Variants in TRIM59 observed in about 807,000 individuals in gnomAD.
The protein encoded by TRIM59 is tripartite motif-containing protein 59.
In TRIM59, 14 loss-of-function variants were observed where a neutral mutation model predicts 32.2. The observed-to-expected ratio is 0.43, with a 90% CI of 0.29 to 0.68. TRIM59 has a LOEUF of 0.68. Among genes scored for constraint, TRIM59 ranks in the 30% least tolerant of loss-of-function variants. The pLI is 0.15. For missense variants in TRIM59, 471 were observed against 463.3 expected (o/e 1.02, Z -0.15); for synonymous variants, 163 against 155.1 (o/e 1.05, Z -0.38).
intron 1 of TRIM59, chr3:160,449,384 G>T: frequency 1.4e-6 from 1 of 693,224 alleles, no homozygotes; most frequent in Non-Finnish European, 2.0e-6. Context: ...ACTCTCCCAG[G>T]CCTCCCTCCT....
chr3:160,444,524 A>T (rs868330814), intron 2 of TRIM59, among the ~76,000 whole-genome samples: 1 of 152,226 alleles, frequency 6.6e-6, no homozygotes, highest in African/African-American at 2.4e-5. Flanking sequence ...TATCTCCCAC[A>T]TGAGCTGTCC....
At position 160,435,861 on chromosome 3, in the gene TRIM59, G is replaced by T; in HGVS notation, c.*2111C>A. ...GCATGGGTTTTCTCACAGCTATATG[G>T]CCTTGGACAAGTCACTTGTCAGTTC... On this transcript the variant is annotated 3_prime_UTR_variant, in exon 3 of 3. Coordinates refer to ENST00000309784, the MANE Select transcript of TRIM59 (RefSeq NM_173084.3). 1 of 934,078 alleles carries T rather than the reference G, an allele frequency of 1.1e-6. No individual in the cohort carries two copies. The highest frequency in any genetic ancestry group is 1.5e-6 in the Non-Finnish European group (1 of 664,748). 57.9% of individuals were successfully genotyped at this position (934,078 alleles called of 1,614,324 possible). A position where few individuals can be genotyped will look rare whatever the true frequency, so the allele number is the denominator to read the frequency against.
chr3:160,445,572 A>G (rs1170564287), intron 2 of TRIM59, among the ~76,000 whole-genome samples: 1 of 152,030 alleles, frequency 6.6e-6, no homozygotes, highest in African/African-American at 2.4e-5. Flanking sequence ...TCAGGAGTTC[A>G]AGACCAGCCT....
At chr3:160,449,577 G>GC in intron 1 of TRIM59, 140 bp downstream of exon 1, 1 of 1,288,788 alleles carries the variant, frequency 7.8e-7, no homozygotes, top group Non-Finnish European at 1.0e-6. Context: ...GGGAATGAGT[G>GC]CAGGTCCCAA....
In TRIM59 at chr3:160,437,935, C is replaced by T. The variant is rs1560023243; in HGVS notation, c.*37G>A. The T allele has an allele frequency of 4.7e-6, 7 of 1,493,618 alleles. No homozygotes were observed. Among genetic ancestry groups the T allele is most frequent in the Non-Finnish European group, 5.3e-6 (6 of 1,126,004 alleles). 92.5% of individuals were successfully genotyped at this position (1,493,618 alleles called of 1,614,324 possible). ...ACCCCATTTTTTGTTTAGCAATGTACAGAATAAGCCCATTTAAACAATTCA... is the reference window on the plus strand; with the variant it reads ...ACCCCATTTTTTGTTTAGCAATGTATAGAATAAGCCCATTTAAACAATTCA... On this transcript the variant is annotated 3_prime_UTR_variant, in exon 3 of 3. Coordinates refer to ENST00000309784, the MANE Select transcript of TRIM59 (RefSeq NM_173084.3).
In TRIM59 at chr3:160,437,066, G is replaced by GC. The variant is rs1195635070; in HGVS notation, c.*905dup. Reference sequence around the variant, plus strand: ...ATATGACAAGTATTAGAAAATGCTGGCCCCCAGGCACAGTGTGGCTAACGT... The same window carrying GC: ...ATATGACAAGTATTAGAAAATGCTGGCCCCCCAGGCACAGTGTGGCTAACGT... On this transcript the variant is annotated 3_prime_UTR_variant, in exon 3 of 3. Transcript: ENST00000309784. The GC allele has an allele frequency of 3.0e-6, 3 of 985,184 alleles. No homozygotes were observed. In the East Asian group the frequency reaches 3.4e-4, roughly 112 times the overall value. 61.0% of individuals were successfully genotyped at this position (985,184 alleles called of 1,614,324 possible).
At chr3:160,446,967 A>T (rs542395924) in intron 2 of TRIM59, among the ~76,000 whole-genome samples, 24 of 151,928 alleles carry the variant, frequency 1.6e-4, no homozygotes, top group Admixed American at 5.9e-4. Flanking sequence ...CCTGGTGCCA[A>T]AAAGGTTGAG....
chr3:160,438,527 A>G lies in TRIM59; in HGVS notation c.657T>C (p.Thr219=). The change falls in exon 3 of 3, where the codon ACT becomes ACC. Residue 219 remains threonine, a synonymous_variant. Transcript: ENST00000309784. ...TTTCCTTCATTCTTTCAATTTGTGG[A>G]GTATATTCTTGATTAATTAGATTGC... ...DVGNLINQEY[T]PQIERMKEIR... is the part of the protein sequence containing the mutation. The G allele has an allele frequency of 6.2e-7, 1 of 1,611,634 alleles. No individual in the cohort carries two copies.
Position 160,437,975 on chromosome 3 carries a change from A to T in TRIM59, c.1209T>A (p.His403Gln). ...LKEFVWKIVS[H>Q] ...TAAACAATTCAGGTTGACATTTTCA[A>T]TGGGAAACTATTTTCCACACAAATT... is the stretch of plus-strand genomic sequence containing the variant. Residue 403 changes from histidine to glutamine, a missense_variant, in exon 3 of 3, where the codon CAT becomes CAA. Transcript: ENST00000309784. 1 of 1,537,890 alleles carries T rather than the reference A, an allele frequency of 6.5e-7. No homozygotes were observed. Among genetic ancestry groups the T allele is most frequent in the Non-Finnish European group, 8.7e-7 (1 of 1,148,530 alleles).
At chr3:160,449,282 G>A (rs1309110457) in intron 1 of TRIM59, among the ~76,000 whole-genome samples, 1 of 152,134 alleles carries the variant, frequency 6.6e-6, no homozygotes, top group African/African-American at 2.4e-5. Context: ...TGTAAAATGG[G>A]TAACTGCACC....
intron 2 of TRIM59, among the ~76,000 whole-genome samples, chr3:160,445,431 A>C (rs1719477707): frequency 6.6e-6 from 1 of 152,058 alleles, no homozygotes; most frequent in African/African-American, 2.4e-5. Flanking sequence ...TCAAAAAATA[A>C]AAAAAGAATA....
Position 160,438,723 on chromosome 3 carries a change from TC to T in TRIM59, c.460del (p.Asp154ThrfsTer14). On this transcript the variant is annotated frameshift_variant, in exon 3 of 3. Coordinates refer to ENST00000309784, the MANE Select transcript of TRIM59 (RefSeq NM_173084.3). LOFTEE classifies it high-confidence loss of function. ...TPQKLLEQLT[D>X]THWTDLTHLI... ...ATGGGTAAGATCTGTCCAGTGTGTG[TC>T]AGTCAACTGTTCAAGCAGTTTTTGA... is the stretch of plus-strand genomic sequence containing the variant. 1 of 1,614,084 alleles carries T rather than the reference TC, an allele frequency of 6.2e-7. No individual in the cohort carries two copies. Among genetic ancestry groups the T allele is most frequent in the African/African-American group, 1.3e-5 (1 of 75,058 alleles).
chr3:160,440,686 C>T (rs1243848176), intron 2 of TRIM59, among the ~76,000 whole-genome samples: 2 of 151,950 alleles, frequency 1.3e-5, no homozygotes, highest in African/African-American at 4.8e-5. Flanking sequence ...CCGAGGCGGG[C>T]GGATCACCTG....
chr3:160,442,794 TTC>T, intron 2 of TRIM59, among the ~76,000 whole-genome samples: 1 of 152,290 alleles, frequency 6.6e-6, no homozygotes, highest in East Asian at 1.9e-4. Context: ...GTCAGGAACT[TTC>T]TGACTCTGGT....
intron 2 of TRIM59, among the ~76,000 whole-genome samples, chr3:160,441,923 G>A (rs530566774): frequency 6.6e-6 from 1 of 152,106 alleles, no homozygotes; most frequent in Non-Finnish European, 1.5e-5. Flanking sequence ...ATTCACTGCA[G>A]ATAAATTCAA....
chr3:160,438,521 T>C lies in TRIM59; in HGVS notation c.663A>G (p.Gln221=), dbSNP rs1242798908. 1 of 1,612,058 alleles carries C rather than the reference T, an allele frequency of 6.2e-7. No individual in the cohort carries two copies. The highest frequency in any genetic ancestry group is 8.5e-7 in the Non-Finnish European group (1 of 1,179,560). ...GNLINQEYTP[Q]IERMKEIREQ... The stretch of plus-strand genomic sequence containing the variant: ...CTCGTATTTCCTTCATTCTTTCAAT[T>C]TGTGGAGTATATTCTTGATTAATTA... Residue 221 remains glutamine (Q), a synonymous_variant, in exon 3 of 3, where the codon CAA becomes CAG. Transcript: ENST00000309784.
Position 160,437,993 on chromosome 3 carries a change from C to A in TRIM59, c.1191G>T (p.Val397=). 6.4e-7 allele frequency: 1 copy of A among 1,551,952 alleles called. No homozygotes were observed. Among genetic ancestry groups the A allele is most frequent in the South Asian group, 1.3e-5 (1 of 79,618 alleles). ...CHIFYLLKEF[V]WKIVSH is the part of the protein sequence containing the mutation. ...ATTTTCAATGGGAAACTATTTTCCA[C>A]ACAAATTCCTTCAACAAATAGAAAA... Residue 397 remains valine, a synonymous_variant, in exon 3 of 3, where the codon GTG becomes GTT. Coordinates refer to ENST00000309784, the MANE Select transcript of TRIM59 (RefSeq NM_173084.3).
Position 160,437,206 on chromosome 3 carries a change from A to T in TRIM59, c.*766T>A. On this transcript the variant is annotated 3_prime_UTR_variant, in exon 3 of 3. Coordinates refer to ENST00000309784, the MANE Select transcript of TRIM59 (RefSeq NM_173084.3). ...GTTTCTACAAAAAACAATTTTTTTA[A>T]TTAGCCAGGCATGGGGGTGTGTGCC... The T allele has an allele frequency of 1.7e-6, 1 of 587,148 alleles. No individual in the cohort carries two copies. 36.4% of individuals were successfully genotyped at this position (587,148 alleles called of 1,614,324 possible).
At position 160,448,797 on chromosome 3, in the gene TRIM59, T is replaced by C. The variant is rs780152672; in HGVS notation, c.-73-2A>G. On this transcript the variant is annotated splice_acceptor_variant, in intron 1 of 2. Coordinates refer to ENST00000309784, the MANE Select transcript of TRIM59 (RefSeq NM_173084.3). LOFTEE classifies it low-confidence loss of function (5UTR_SPLICE). ...CCTCCAGAATCTTTTATTCTTATTCTAAAATTAAAATAATGTTATCTTTAA... is the reference window on the plus strand; with the variant it reads ...CCTCCAGAATCTTTTATTCTTATTCCAAAATTAAAATAATGTTATCTTTAA... 1.6e-6 allele frequency: 2 copies of C among 1,241,598 alleles called. No homozygotes were observed. The highest frequency in any genetic ancestry group is 2.7e-5 in the South Asian group (2 of 74,386). The allele number at this position is 1,241,598 out of a possible 1,614,324, so 76.9% of individuals were successfully genotyped here. A position where few individuals can be genotyped will look rare whatever the true frequency, so the allele number is the denominator to read the frequency against.
Sources: gnomAD v4.1 joint callset for allele counts (sites outside exome capture counted in the v4.1 genomes callset) on GRCh38, gnomAD v4.1.1 for gene constraint, MANE v1.5 for transcripts, NCBI Gene and HGNC (gene_info 2026-07-23, HGNC 2026-07-21) for gene names.